The following PIK3CA variants were observed in gnomAD, a reference collection of about 807,000 sequenced individuals.
The protein encoded by PIK3CA is phosphatidylinositol-4,5-bisphosphate 3-kinase catalytic subunit alpha, also known as phosphatidylinositol 4,5-bisphosphate 3-kinase catalytic subunit alpha isoform.
A neutral mutation model predicts 138.2 loss-of-function variants in PIK3CA; 27 were observed. The observed-to-expected ratio is 0.20, with a 90% CI of 0.14 to 0.27. PIK3CA has a LOEUF of 0.27. PIK3CA is among the 10% of genes least tolerant of loss of function. The pLI is 1.00. For missense variants in PIK3CA, 544 were observed against 1,277.4 expected (o/e 0.43, Z 8.75); for synonymous variants, 358 against 413.2 (o/e 0.87, Z 1.62).
chr3:179,204,282 G>A (rs1434763264), intron 5 of PIK3CA, among the ~76,000 whole-genome samples: 1 of 152,146 alleles, frequency 6.6e-6, no homozygotes, highest in African/African-American at 2.4e-5. Context: ...CTATATTTAT[G>A]TTTTAGTAGT....
At chr3:179,181,826 G>A (rs1017287029) in intron 1 of PIK3CA, among the ~76,000 whole-genome samples, 1 of 152,032 alleles carries the variant, frequency 6.6e-6, no homozygotes, top group Non-Finnish European at 1.5e-5. Flanking sequence ...AACCTTTAAA[G>A]TCTTGTAATT....
chr3:179,201,750 C>T (rs563342490), intron 4 of PIK3CA, among the ~76,000 whole-genome samples: 10 of 151,570 alleles, frequency 6.6e-5, no homozygotes, highest in South Asian at 4.2e-4. Flanking sequence ...GGACTACAGG[C>T]GCCCGCCACC....
At chr3:179,207,057 G>A (rs188574213) in intron 6 of PIK3CA, among the ~76,000 whole-genome samples, 1 of 152,182 alleles carries the variant, frequency 6.6e-6, no homozygotes, top group Non-Finnish European at 1.5e-5. Flanking sequence ...AGTATTTATG[G>A]TAGTGTGAAA....
chr3:179,219,099 G>T lies in PIK3CA; in HGVS notation c.1665-97G>T. ...AAAAAGCTAGTAATGTAAGAAGTTTGGGACTTCTTAAGAAGATTCATATGG... is the reference window on the plus strand; with the variant it reads ...AAAAAGCTAGTAATGTAAGAAGTTTTGGACTTCTTAAGAAGATTCATATGG... On this transcript the variant is annotated intron_variant, in intron 10 of 20. Coordinates refer to ENST00000263967, the MANE Select transcript of PIK3CA (RefSeq NM_006218.4). The surrounding 1 kb of genome is among the most constrained non-coding windows in gnomAD (Gnocchi z 4.2). The T allele has an allele frequency of 3.0e-6, 2 of 659,770 alleles. No homozygotes were observed. The highest frequency in any genetic ancestry group is 5.4e-6 in the Non-Finnish European group (2 of 372,614). 40.9% of individuals were successfully genotyped at this position (659,770 alleles called of 1,614,324 possible).
At chr3:179,202,629 A>G (rs373210409) in intron 4 of PIK3CA, among the ~76,000 whole-genome samples, 11 of 152,314 alleles carry the variant, frequency 7.2e-5, no homozygotes, top group East Asian at 5.8e-4. Flanking sequence ...GTAAGAAAAT[A>G]ATGTGTATAT....
Position 179,201,306 on chromosome 3 carries a change from G to T in PIK3CA, c.579G>T (p.Val193=). The T allele has an allele frequency of 6.2e-7, 1 of 1,612,590 alleles. No homozygotes were observed. Among genetic ancestry groups the T allele is most frequent in the South Asian group, 1.1e-5 (1 of 90,986 alleles). ...NKLDKGQIIV[V]IWVIVSPNND... The stretch of plus-strand genomic sequence containing the variant: ...CTGTTATAGGGCAAATAATAGTGGT[G>T]ATCTGGGTAATAGTTTCTCCAAATA... Residue 193 remains valine (V), a synonymous_variant, in exon 4 of 21, where the codon GTG becomes GTT. Transcript: ENST00000263967.
chr3:179,205,828 AAT>A (rs1285239334), intron 6 of PIK3CA, among the ~76,000 whole-genome samples: 3 of 152,248 alleles, frequency 2.0e-5, no homozygotes, highest in Admixed American at 6.5e-5. Flanking sequence ...ATAAAATAAC[AAT>A]AGAGCTAACT....
intron 6 of PIK3CA, among the ~76,000 whole-genome samples, chr3:179,204,972 G>A (rs868791800): frequency 7.6e-6 from 1 of 131,604 alleles, no homozygotes; most frequent in Non-Finnish European, 1.6e-5. Context: ...AGTGAGCTGA[G>A]ATTGTGCCAT....
At chr3:179,228,446 G>A (rs575253678) in intron 17 of PIK3CA, among the ~76,000 whole-genome samples, 2 of 152,074 alleles carry the variant, frequency 1.3e-5, no homozygotes, top group African/African-American at 4.8e-5. Context: ...ATTACATTTT[G>A]CAACTTAAGA....
At chr3:179,181,194 G>A (rs1422866965) in intron 1 of PIK3CA, among the ~76,000 whole-genome samples, 2 of 152,150 alleles carry the variant, frequency 1.3e-5, no homozygotes, top group Admixed American at 1.3e-4. Flanking sequence ...TTTGGAGTGT[G>A]TGAATAGAGA....
intron 1 of PIK3CA, among the ~76,000 whole-genome samples, chr3:179,190,640 TTC>T (rs150361783): frequency 0.033 from 4,984 of 151,772 alleles, 117 homozygotes; most frequent in Middle Eastern, 0.058. Context: ...AGCTTTTTTT[TTC>T]TCTCTCTCTC....
At chr3:179,171,983 T>C (rs553192594) in intron 1 of PIK3CA, among the ~76,000 whole-genome samples, 50 of 152,114 alleles carry the variant, frequency 3.3e-4, no homozygotes, top group African/African-American at 1.2e-3. Context: ...CAAAAATCCT[T>C]AGCAAAATAT....
At chr3:179,202,939 GTT>G (rs372017091) in intron 4 of PIK3CA, among the ~76,000 whole-genome samples, 6 of 119,014 alleles carry the variant, frequency 5.0e-5, no homozygotes, top group African/African-American at 1.3e-4. Context: ...TGTGATCCTT[GTT>G]TTTTTTTTTT....
chr3:179,229,900 T>C, intron 18 of PIK3CA, 104 bp from the exon 19 acceptor site: 1 of 671,210 alleles, frequency 1.5e-6, no homozygotes, highest in Non-Finnish European at 2.5e-6. Context: ...TTGTCAGTGA[T>C]TGTTTTCATT....
chr3:179,188,216 C>T (rs1724041006), intron 1 of PIK3CA, among the ~76,000 whole-genome samples: 1 of 152,172 alleles, frequency 6.6e-6, no homozygotes, highest in Non-Finnish European at 1.5e-5. Context: ...TTTCCAGGTT[C>T]CTTGGTTACT....
intron 1 of PIK3CA, among the ~76,000 whole-genome samples, chr3:179,152,170 A>T (rs1219792102): frequency 1.3e-5 from 2 of 152,236 alleles, no homozygotes; most frequent in Non-Finnish European, 2.9e-5. Context: ...CAACCCTGAA[A>T]TTGCCACACA....
chr3:179,199,933 T>C (rs1158773890), intron 3 of PIK3CA, 34 bp downstream of exon 3: 1 of 1,275,524 alleles, frequency 7.8e-7, no homozygotes, highest in African/African-American at 1.5e-5. Flanking sequence ...TAATCATTAC[T>C]ATAGTGCAGT....
chr3:179,217,805 G>T (rs895941409), intron 9 of PIK3CA, among the ~76,000 whole-genome samples: 1 of 151,858 alleles, frequency 6.6e-6, no homozygotes, highest in Non-Finnish European at 1.5e-5. Context: ...AACATGAAAG[G>T]GTTTACATTT....
chr3:179,185,974 C>T (rs1409922770), intron 1 of PIK3CA, among the ~76,000 whole-genome samples: 4 of 152,206 alleles, frequency 2.6e-5, no homozygotes, highest in Non-Finnish European at 4.4e-5. Context: ...GCTTAACCTT[C>T]AGCCCCTCTC....
Sources: gnomAD v4.1 joint callset for allele counts (sites outside exome capture counted in the v4.1 genomes callset) on GRCh38, gnomAD v4.1.1 for gene constraint, Gnocchi (gnomAD v3.1) non-coding constraint, MANE v1.5 for transcripts, NCBI Gene and HGNC (gene_info 2026-07-23, HGNC 2026-07-21) for gene names.